NDEL1: variants seen among roughly 807,000 people sequenced by gnomAD.
The protein encoded by NDEL1 is nuclear distribution protein nudE-like 1.
NDEL1 carries 9 observed loss-of-function variants against 45.7 expected under a neutral mutation model. That is an observed-to-expected ratio of 0.20 (90% CI 0.12 to 0.34). The LOEUF (loss-of-function observed/expected upper bound fraction) is 0.34. Among genes scored for constraint, NDEL1 ranks in the 10% least tolerant of loss-of-function variants. The pLI, the probability that NDEL1 is intolerant of heterozygous loss-of-function variation, is 1.00. For synonymous variants in NDEL1, 133 were observed against 158.6 expected (o/e 0.84, Z 1.21); for missense variants, 306 against 406.2 (o/e 0.75, Z 2.12).
At chr17:8,424,705 C>T (rs1344397054) in intron 1 of NDEL1, among the ~76,000 whole-genome samples, 4 of 152,160 alleles carry the variant, frequency 2.6e-5, no homozygotes, top group South Asian at 2.1e-4. Context: ...GGGGTTTCAC[C>T]GTGTTAGCCA....
chr17:8,422,774 T>A (rs1908735528), intron 1 of NDEL1, among the ~76,000 whole-genome samples: 1 of 151,554 alleles, frequency 6.6e-6, no homozygotes, highest in Admixed American at 6.6e-5. Context: ...TCTTGCTCTG[T>A]CACCCAGGCT....
chr17:8,450,385 T>C (rs1273222098), intron 5 of NDEL1, among the ~76,000 whole-genome samples: 1 of 151,976 alleles, frequency 6.6e-6, no homozygotes, highest in East Asian at 1.9e-4. Context: ...ATAGTGATAA[T>C]AGTTAATGCC....
upstream of NDEL1, among the ~76,000 whole-genome samples, chr17:8,433,062 C>T (rs1909057233): frequency 6.6e-6 from 1 of 151,490 alleles, no homozygotes; most frequent in South Asian, 2.1e-4. Flanking sequence ...CAGGATTGTA[C>T]TGGTAAAGCG....
chr17:8,420,936 T>G (rs1161018709), intron 1 of NDEL1, among the ~76,000 whole-genome samples: 1 of 152,228 alleles, frequency 6.6e-6, no homozygotes, highest in Non-Finnish European at 1.5e-5. Flanking sequence ...TTCTGTAAAT[T>G]CAGTAGGCTG....
Position 8,420,628 on chromosome 17 carries a change from T to A in NDEL1, c.-13+7359T>A, listed in dbSNP as rs146040270. Among the ~76,000 whole-genome samples the A allele has an allele frequency of 5.6e-3, 856 of 152,346 alleles. 11 individuals are homozygous for A. Among genetic ancestry groups the A allele is most frequent in the African/African-American group, 0.02 (818 of 41,576 alleles). Reference sequence around the variant, plus strand: ...TGTAGGTCAAGTAAACAGGCTGCTGTTTAACACAGATAAGTCAGATGTATG... The same window carrying A: ...TGTAGGTCAAGTAAACAGGCTGCTGATTAACACAGATAAGTCAGATGTATG... On this transcript the variant is annotated intron_variant, in intron 1 of 4. Coordinates refer to the NDEL1 transcript ENST00000582812.
chr17:8,465,089 A>G lies in NDEL1; in HGVS notation c.945-1841A>G, dbSNP rs935131232. The G allele has an allele frequency of 2.0e-5, 3 of 152,272 alleles. No homozygotes were observed. The highest frequency in any genetic ancestry group is 2.9e-5 in the Non-Finnish European group (2 of 68,092). 9.4% of individuals were successfully genotyped at this position (152,272 alleles called of 1,614,324 possible). On this transcript the variant is annotated intron_variant, in intron 8 of 8. Coordinates refer to ENST00000334527, the MANE Select transcript of NDEL1 (RefSeq NM_030808.5). The surrounding 1 kb of genome is among the most constrained non-coding windows in gnomAD (Gnocchi z 4.9). ...GCCTGCCACTGTGATGTGTGAGGCC[A>G]GGAATCTGAGGTTCACACGTGCTGA...
At chr17:8,458,362 G>T (rs534767759) in intron 7 of NDEL1, among the ~76,000 whole-genome samples, 2 of 152,048 alleles carry the variant, frequency 1.3e-5, no homozygotes, top group Non-Finnish European at 2.9e-5. Flanking sequence ...CCACCCCTGG[G>T]TGTGGATGTC....
chr17:8,415,241 C>T (rs1216106044), intron 1 of NDEL1, among the ~76,000 whole-genome samples: 4 of 151,320 alleles, frequency 2.6e-5, no homozygotes, highest in East Asian at 2.0e-4. Flanking sequence ...TGCAGTGGTG[C>T]GATCACAGCT....
At chr17:8,413,677 G>T (rs1908476966) in intron 1 of NDEL1, among the ~76,000 whole-genome samples, 1 of 152,286 alleles carries the variant, frequency 6.6e-6, no homozygotes, top group Admixed American at 6.5e-5. Context: ...CAAGTTAGGG[G>T]CTTGCGATCA....
rs770622323 is a variant in NDEL1 at position 8,444,334 on chromosome 17, A to G, written c.63A>G (p.Glu21=). 57 of 1,612,650 alleles carry G rather than the reference A, an allele frequency of 3.5e-5. No individual in the cohort carries two copies. The highest frequency in any genetic ancestry group is 1.6e-5 in the Non-Finnish European group (19 of 1,179,086). The change falls in exon 2 of 9, where the codon GAA becomes GAG. Residue 21 remains glutamate, a synonymous_variant. Coordinates refer to ENST00000334527, the MANE Select transcript of NDEL1 (RefSeq NM_030808.5). The part of the protein sequence containing the change: ...SLKEETAYWK[E]LSLKYKQSFQ... Reference sequence around the variant, plus strand: ...AGGAGGAAACTGCTTATTGGAAGGAACTTTCCTTGAAGTATAAGCAAAGGT... The same window carrying G: ...AGGAGGAAACTGCTTATTGGAAGGAGCTTTCCTTGAAGTATAAGCAAAGGT...
At chr17:8,420,969 T>C (rs1908692860) in intron 1 of NDEL1, among the ~76,000 whole-genome samples, 1 of 152,166 alleles carries the variant, frequency 6.6e-6, no homozygotes, top group Non-Finnish European at 1.5e-5. Context: ...ATTCCCTAAG[T>C]GATGGTCTGT....
upstream of NDEL1, among the ~76,000 whole-genome samples, chr17:8,434,473 T>C (rs1909124060): frequency 6.6e-6 from 1 of 152,056 alleles, no homozygotes; most frequent in Admixed American, 6.5e-5. Context: ...CGCCTCGGCT[T>C]CCCAAAGTGC....
chr17:8,432,676 G>A (rs545310677), upstream of NDEL1, among the ~76,000 whole-genome samples: 15 of 151,974 alleles, frequency 9.9e-5, no homozygotes, highest in South Asian at 8.3e-4. Context: ...GAGCCACTGC[G>A]CCTGGCCTAA....
chr17:8,463,428 A>G lies in NDEL1; in HGVS notation c.944+3268A>G, dbSNP rs1287747957. 6.1e-6 allele frequency: 9 copies of G among 1,464,692 alleles called. No individual in the cohort carries two copies. The Admixed American group carries it at 7.0e-5, about 11-fold the overall frequency. The allele number at this position is 1,464,692 out of a possible 1,614,324, so 90.7% of individuals were successfully genotyped here. On this transcript the variant is annotated intron_variant, in intron 8 of 8. Coordinates refer to ENST00000334527, the MANE Select transcript of NDEL1 (RefSeq NM_030808.5). ...GTGTGTGGTGGAAGACACATTAACA[A>G]TCTGGTTTTACTAACTGCATGGGGC...
Position 8,450,787 on chromosome 17 carries a change from G to A in NDEL1, c.534G>A (p.Arg178=), listed in dbSNP as rs1444069139. The part of the protein sequence containing the change: ...QRLKDEARDL[R]QELAVRERQQ... Reference sequence around the variant, plus strand: ...GTTTGCAATATTTTACAGATTTAAGGCAAGAACTAGCAGTTCGGGAAAGAC... The same window carrying A: ...GTTTGCAATATTTTACAGATTTAAGACAAGAACTAGCAGTTCGGGAAAGAC... The change falls in exon 6 of 9, where the codon AGG becomes AGA. Residue 178 remains arginine, a synonymous_variant. Coordinates refer to ENST00000334527, the MANE Select transcript of NDEL1 (RefSeq NM_030808.5). 1.2e-6 allele frequency: 2 copies of A among 1,607,866 alleles called. No individual in the cohort carries two copies. Among genetic ancestry groups the A allele is most frequent in the Non-Finnish European group, 1.7e-6 (2 of 1,177,746 alleles).
At chr17:8,428,874 C>G (rs138733531) in intron 1 of NDEL1, among the ~76,000 whole-genome samples, 2 of 151,962 alleles carry the variant, frequency 1.3e-5, no homozygotes, top group Non-Finnish European at 2.9e-5. Flanking sequence ...GGGGTTTCAC[C>G]GTGTTAGCCA....
In NDEL1 at chr17:8,415,197, G is replaced by A. The variant is rs932324040; in HGVS notation, c.-13+1928G>A. Among the ~76,000 whole-genome samples, 9 of 124,640 alleles carry A rather than the reference G, an allele frequency of 7.2e-5. No individual in the cohort carries two copies. In the East Asian group the frequency reaches 2.1e-3, roughly 29 times the overall value. The allele number at this position is 124,640 out of a possible 152,430, so 81.8% of individuals were successfully genotyped here. A position where few individuals can be genotyped will look rare whatever the true frequency, so the allele number is the denominator to read the frequency against. On this transcript the variant is annotated intron_variant, in intron 1 of 4. Transcript: ENST00000582812. Reference sequence around the variant, plus strand: ...CTCTTTCTCTCTTTCTTTCTTTTTTGAGATGGGATCTTGCTCTGTTGCCCA... The same window carrying A: ...CTCTTTCTCTCTTTCTTTCTTTTTTAAGATGGGATCTTGCTCTGTTGCCCA...
At chr17:8,464,733 G>C (rs964507710) in intron 8 of NDEL1, 6 of 152,368 alleles carry the variant, frequency 3.9e-5, no homozygotes, top group African/African-American at 1.4e-4. Flanking sequence ...CTCTGACCAG[G>C]AGGAGACTAG....
At chr17:8,432,328 A>AATATATATATTTATATAAAT (rs1567722342), upstream of NDEL1, among the ~76,000 whole-genome samples, 37 of 106,548 alleles carry the variant, frequency 3.5e-4, no homozygotes, top group African/African-American at 1.1e-3. Context: ...TTTATATATA[A>AATATATATATTTATATAAAT]ATATATATAT....
Sources: allele counts gnomAD v4.1 joint callset (sites outside exome capture counted in the v4.1 genomes callset), GRCh38; gene constraint gnomAD v4.1.1; non-coding constraint Gnocchi (gnomAD v3.1); transcripts MANE v1.5; gene names NCBI Gene and HGNC (gene_info 2026-07-23, HGNC 2026-07-21).